The following KLF13 variants were observed in gnomAD, a reference collection of about 807,000 sequenced individuals.
KLF13 encodes the protein KLF transcription factor 13.
In KLF13, 8 loss-of-function variants were observed where a neutral mutation model predicts 16.7. That is an observed-to-expected ratio of 0.48 (90% CI 0.28 to 0.87). KLF13 has a LOEUF of 0.87. Ranked by LOEUF, KLF13 falls within the 40% of genes least tolerant of loss-of-function variation. The probability of loss-of-function intolerance (pLI) is 0.10; values close to 1 mark genes in which losing one functional copy is unlikely to be tolerated. For synonymous variants in KLF13, 245 were observed against 208.4 expected, an observed-to-expected ratio of 1.18 and a Z score of -1.51; for missense variants, 447 against 452.2, an observed-to-expected ratio of 0.99 and a Z score of 0.10.
intron 1 of KLF13, among the ~76,000 whole-genome samples, chr15:31,363,826 G>A (rs1307063710): frequency 2.0e-5 from 3 of 152,214 alleles, no homozygotes; most frequent in African/African-American, 7.2e-5. Flanking sequence ...TTGATTCATA[G>A]AAGGAACTTC....
In KLF13 at chr15:31,412,421, C is replaced by T. The variant is rs117151386; in HGVS notation, n.117+18730C>T. Among the ~76,000 whole-genome samples, 759 of 151,668 alleles carry T rather than the reference C, an allele frequency of 5.0e-3. 4 individuals are homozygous for T. Among genetic ancestry groups the T allele is most frequent in the Non-Finnish European group, 8.3e-3 (565 of 67,950 alleles). On this transcript the variant is annotated intron_variant and non_coding_transcript_variant, in intron 1 of 1. Transcript: ENST00000558225. ...TAGTTTGTAAAGGAATAATTTGCCT[C>T]TAGTAACAGATGACATGATTGTACA...
At chr15:31,336,434 G>C (rs2038931357) in intron 1 of KLF13, among the ~76,000 whole-genome samples, 1 of 152,118 alleles carries the variant, frequency 6.6e-6, no homozygotes, top group Non-Finnish European at 1.5e-5. Context: ...GGTATGCATG[G>C]GTTAGCGAGA....
intron 1 of KLF13, among the ~76,000 whole-genome samples, chr15:31,328,518 C>G (rs1306512828): frequency 6.6e-6 from 1 of 152,028 alleles, no homozygotes; most frequent in Middle Eastern, 3.4e-3. Context: ...CCTCGAGGCT[C>G]TCTCCGGAAA....
chr15:31,366,420 C>T (rs1053828243), intron 1 of KLF13: 10 of 152,396 alleles, frequency 6.6e-5, no homozygotes, highest in Admixed American at 5.9e-4. Context: ...ATAGCCAGAA[C>T]CCCTGGGGCC....
intron 1 of KLF13, among the ~76,000 whole-genome samples, chr15:31,349,016 T>C (rs528405631): frequency 3.9e-5 from 6 of 152,144 alleles, no homozygotes; most frequent in Non-Finnish European, 8.8e-5. Flanking sequence ...GAGGCCCCAA[T>C]TCCTAAGACC....
downstream of KLF13, among the ~76,000 whole-genome samples, chr15:31,407,811 A>C (rs2040146694): frequency 6.6e-6 from 1 of 152,222 alleles, no homozygotes; most frequent in African/African-American, 2.4e-5. Flanking sequence ...CTCTTTCTAC[A>C]GAGACCAGTA....
chr15:31,333,518 A>G (rs1174732850), intron 1 of KLF13, among the ~76,000 whole-genome samples: 1 of 152,178 alleles, frequency 6.6e-6, no homozygotes, highest in Non-Finnish European at 1.5e-5. Flanking sequence ...CCATAGGGTC[A>G]TTGGGTAATA....
rs1021211160 is a variant in KLF13, at chr15:31,372,333, C to G, written c.*34C>G. 1 of 1,433,382 alleles carries G rather than the reference C, an allele frequency of 7.0e-7. No individual in the cohort carries two copies. Among genetic ancestry groups the G allele is most frequent in the Non-Finnish European group, 9.1e-7 (1 of 1,097,396 alleles). The allele number at this position is 1,433,382 out of a possible 1,614,324, so 88.8% of individuals were successfully genotyped here. ...CAGCCATGAGCAGCCGCTCCCACCCCCTCGTGAGTCCCTGGCCTTTCCTTT... is the reference window on the plus strand; with the variant it reads ...CAGCCATGAGCAGCCGCTCCCACCCGCTCGTGAGTCCCTGGCCTTTCCTTT... On this transcript the variant is annotated 3_prime_UTR_variant, in exon 2 of 2. Transcript: ENST00000307145.
intron 1 of KLF13, among the ~76,000 whole-genome samples, chr15:31,415,822 A>T (rs1278911061): frequency 6.6e-6 from 1 of 152,054 alleles, no homozygotes; most frequent in Non-Finnish European, 1.5e-5. Context: ...CAATAGATGG[A>T]CAATAAAAAT....
At chr15:31,328,728 G>T (rs529092529) in intron 1 of KLF13, among the ~76,000 whole-genome samples, 1 of 152,220 alleles carries the variant, frequency 6.6e-6, no homozygotes, top group Non-Finnish European at 1.5e-5. Context: ...TGATTCATCT[G>T]TGGCGGTTCC....
At chr15:31,388,087 G>C (rs2039813847), upstream of KLF13, among the ~76,000 whole-genome samples, 1 of 152,212 alleles carries the variant, frequency 6.6e-6, no homozygotes, top group Admixed American at 6.5e-5. Context: ...AGTCAGGAAG[G>C]AGTCGAAGTC....
chr15:31,361,854 C>T (rs2039394541), intron 1 of KLF13, among the ~76,000 whole-genome samples: 1 of 142,680 alleles, frequency 7.0e-6, no homozygotes, highest in East Asian at 2.4e-4. Context: ...GAGGCAGGCC[C>T]AAGAGGCCTT....
chr15:31,357,477 C>T (rs2039317641), intron 1 of KLF13, among the ~76,000 whole-genome samples: 1 of 152,218 alleles, frequency 6.6e-6, no homozygotes, highest in African/African-American at 2.4e-5. Context: ...TGTGGGTGGT[C>T]TACTGGGCCA....
chr15:31,427,409 G>T (rs34074298), intron 1 of KLF13, among the ~76,000 whole-genome samples: 3 of 152,150 alleles, frequency 2.0e-5, no homozygotes, highest in Non-Finnish European at 4.4e-5. Flanking sequence ...CCAGTACGGC[G>T]ATTCCTCGAG....
At chr15:31,398,493 G>A (rs2039987205) in intron 2 of KLF13, among the ~76,000 whole-genome samples, 1 of 152,198 alleles carries the variant, frequency 6.6e-6, no homozygotes, top group South Asian at 2.1e-4. Context: ...CCAGGCTCTG[G>A]CCAGCGCCTA....
chr15:31,333,297 G>A (rs2038865887), intron 1 of KLF13, among the ~76,000 whole-genome samples: 2 of 152,178 alleles, frequency 1.3e-5, no homozygotes, highest in Admixed American at 1.3e-4. Context: ...ATTGGAGCTG[G>A]GGCTTGAGCC....
In KLF13 at chr15:31,327,059, G is replaced by C. The variant is rs1184057926; in HGVS notation, c.-154G>C. 20 of 609,600 alleles carry C rather than the reference G, an allele frequency of 3.3e-5. No homozygotes were observed. Among genetic ancestry groups the C allele is most frequent in the South Asian group, 2.3e-4 (3 of 12,822 alleles). The allele number at this position is 609,600 out of a possible 1,614,324, so 37.8% of individuals were successfully genotyped here. A position where few individuals can be genotyped will look rare whatever the true frequency, so the allele number is the denominator to read the frequency against. ...GCAGACGCGGAGCCGCGCGGGTGACGGCACAGGCGGCTGCGCGCCCAGCCC... is the reference window on the plus strand; with the variant it reads ...GCAGACGCGGAGCCGCGCGGGTGACCGCACAGGCGGCTGCGCGCCCAGCCC... On this transcript the variant is annotated 5_prime_UTR_variant, in exon 1 of 2. Coordinates refer to ENST00000307145, the MANE Select transcript of KLF13 (RefSeq NM_015995.4).
At chr15:31,434,490 G>A (rs969853399) in intron 1 of KLF13, among the ~76,000 whole-genome samples, 15 of 152,182 alleles carry the variant, frequency 9.9e-5, no homozygotes, top group Admixed American at 7.9e-4. Context: ...TTGGGGTGTG[G>A]AAAGGCTTGG....
chr15:31,413,940 G>A (rs1359585843), intron 1 of KLF13, among the ~76,000 whole-genome samples: 1 of 152,176 alleles, frequency 6.6e-6, no homozygotes, highest in Non-Finnish European at 1.5e-5. Context: ...TAACATATAT[G>A]TGAAATATAT....
Sources: gnomAD v4.1 joint callset for allele counts (sites outside exome capture counted in the v4.1 genomes callset) on GRCh38, gnomAD v4.1.1 for gene constraint, MANE v1.5 for transcripts, NCBI Gene and HGNC (gene_info 2026-07-23, HGNC 2026-07-21) for gene names.